The following NETO2 variants were observed in gnomAD, a reference collection of about 807,000 sequenced individuals.
NETO2 encodes the protein neuropilin and tolloid-like protein 2.
In NETO2, 28 loss-of-function variants were observed where a neutral mutation model predicts 62.5. The ratio of observed to expected loss-of-function variants is 0.45; its 90% CI spans 0.33 to 0.61. The LOEUF (loss-of-function observed/expected upper bound fraction) is 0.61. Ranked by LOEUF, NETO2 falls within the 20% of genes least tolerant of loss-of-function variation. The pLI, the probability that NETO2 is intolerant of heterozygous loss-of-function variation, is 0.02. For synonymous variants in NETO2, 214 were observed against 219.1 expected (o/e 0.98, Z 0.21); for missense variants, 548 against 643.2 (o/e 0.85, Z 1.60).
chr16:47,092,002 C>T (rs1963322566), intron 7 of NETO2, among the ~76,000 whole-genome samples: 1 of 151,934 alleles, frequency 6.6e-6, no homozygotes, highest in African/African-American at 2.4e-5. Flanking sequence ...ACCACCATGC[C>T]CAACTCATTT....
chr16:47,123,318 C>G (rs1357722696), intron 4 of NETO2, among the ~76,000 whole-genome samples: 1 of 152,076 alleles, frequency 6.6e-6, no homozygotes, highest in Non-Finnish European at 1.5e-5. Flanking sequence ...TGTGAATGTA[C>G]TTAACGCCAC....
chr16:47,100,490 A>G (rs940212113), intron 7 of NETO2, among the ~76,000 whole-genome samples: 2 of 151,860 alleles, frequency 1.3e-5, no homozygotes, highest in African/African-American at 4.8e-5. Context: ...GACACAAAAA[A>G]AAACAAAAGC....
At chr16:47,084,991 G>A (rs533506731) in intron 8 of NETO2, among the ~76,000 whole-genome samples, 1 of 152,162 alleles carries the variant, frequency 6.6e-6, no homozygotes, top group South Asian at 2.1e-4. Flanking sequence ...TGAAAAAATT[G>A]TCTTCCACGA....
chr16:47,140,956 A>C (rs1964450554), intron 1 of NETO2, among the ~76,000 whole-genome samples: 1 of 152,220 alleles, frequency 6.6e-6, no homozygotes, highest in South Asian at 2.1e-4. Context: ...TCCTCATGTA[A>C]TATTTTCATG....
chr16:47,122,837 G>A, intron 5 of NETO2, 31 bp downstream of exon 5: 1 of 1,613,876 alleles, frequency 6.2e-7, no homozygotes, highest in East Asian at 2.2e-5. Flanking sequence ...AATCAAAAAT[G>A]CCAAGAGGAA....
intron 7 of NETO2, among the ~76,000 whole-genome samples, chr16:47,097,529 G>A (rs1015478817): frequency 6.6e-6 from 1 of 152,236 alleles, no homozygotes; most frequent in Non-Finnish European, 1.5e-5. Context: ...CCAGTCAGGG[G>A]CTTATAGATA....
chr16:47,115,714 C>CATATATATATATACATATATATATATAT (rs1555498121), intron 6 of NETO2, among the ~76,000 whole-genome samples: 1 of 128,504 alleles, frequency 7.8e-6, no homozygotes, highest in African/African-American at 3.5e-5. Flanking sequence ...TATATATATA[C>CATATATATATATACATATATATATATAT]ATATATATAT....
At chr16:47,143,058 C>A (rs1405900498) in intron 1 of NETO2, among the ~76,000 whole-genome samples, 1 of 151,906 alleles carries the variant, frequency 6.6e-6, no homozygotes, top group African/African-American at 2.4e-5. Context: ...AGGTGGGACC[C>A]GGCTGGCCCA....
At chr16:47,116,148 T>G (rs1020180550) in intron 6 of NETO2, among the ~76,000 whole-genome samples, 5 of 151,524 alleles carry the variant, frequency 3.3e-5, no homozygotes, top group East Asian at 1.9e-4. Flanking sequence ...TTCTGTTTTT[T>G]TTTTTTTTTT....
chr16:47,086,596 C>T (rs939243167), intron 7 of NETO2, among the ~76,000 whole-genome samples: 1 of 152,018 alleles, frequency 6.6e-6, no homozygotes, highest in East Asian at 1.9e-4. Context: ...TCTTATGGAA[C>T]CAGTATACAG....
At chr16:47,130,479 G>A (rs777081135) in intron 2 of NETO2, among the ~76,000 whole-genome samples, 1 of 151,146 alleles carries the variant, frequency 6.6e-6, no homozygotes, top group Non-Finnish European at 1.5e-5. Context: ...TAAAACTGGA[G>A]AAAAGCAACT....
chr16:47,141,827 G>T (rs1464874187), intron 1 of NETO2, among the ~76,000 whole-genome samples: 1 of 152,204 alleles, frequency 6.6e-6, no homozygotes, highest in African/African-American at 2.4e-5. Flanking sequence ...TTTCCTGAAA[G>T]GTACAACACT....
chr16:47,118,062 T>C lies in NETO2; in HGVS notation c.654+4595A>G, dbSNP rs553070765. On this transcript the variant is annotated intron_variant, in intron 6 of 8. Transcript: ENST00000562435. ...TCTGTATGTGATTTTTCATTGTATC[T>C]TGGACATTTTAAATATTATGCTGTG... Among the ~76,000 whole-genome samples the C allele has an allele frequency of 2.0e-5, 3 of 152,348 alleles. No homozygotes were observed. In the East Asian group the frequency reaches 5.8e-4, roughly 29 times the overall value.
intron 6 of NETO2, among the ~76,000 whole-genome samples, chr16:47,119,141 T>C (rs1567393300): frequency 6.6e-6 from 1 of 151,672 alleles, no homozygotes; most frequent in African/African-American, 2.4e-5. Flanking sequence ...ATATTATTTA[T>C]GTTTTTTTCT....
intron 6 of NETO2, 110 bp downstream of exon 6, chr16:47,122,547 G>T: frequency 8.6e-7 from 1 of 1,158,278 alleles, no homozygotes; most frequent in Non-Finnish European, 1.2e-6. Context: ...AAAAGTTGCA[G>T]TATCAGTTTA....
chr16:47,135,827 A>C (rs188793674), intron 1 of NETO2, among the ~76,000 whole-genome samples: 3 of 152,294 alleles, frequency 2.0e-5, no homozygotes, highest in African/African-American at 7.2e-5. Flanking sequence ...TGCAATAAAT[A>C]CTGGAAAGAA....
intron 6 of NETO2, among the ~76,000 whole-genome samples, chr16:47,114,713 G>A (rs1963874384): frequency 6.6e-6 from 1 of 151,814 alleles, no homozygotes; most frequent in Non-Finnish European, 1.5e-5. Flanking sequence ...GCCTCCCAAA[G>A]TGCTGGGATT....
chr16:47,140,248 C>T (rs755343105), intron 1 of NETO2, among the ~76,000 whole-genome samples: 2 of 152,142 alleles, frequency 1.3e-5, no homozygotes, highest in Admixed American at 6.5e-5. Flanking sequence ...ATTAGACCAC[C>T]TCTTAAGATG....
chr16:47,119,078 T>G (rs1405649505), intron 6 of NETO2, among the ~76,000 whole-genome samples: 2 of 152,078 alleles, frequency 1.3e-5, no homozygotes. Flanking sequence ...TTGGTTTGTT[T>G]CATAATAGTT....
Sources: gnomAD v4.1 joint callset for allele counts (sites outside exome capture counted in the v4.1 genomes callset) on GRCh38, gnomAD v4.1.1 for gene constraint, MANE v1.5 for transcripts, NCBI Gene and HGNC (gene_info 2026-07-23, HGNC 2026-07-21) for gene names.